The following PKHD1 variants were observed in gnomAD, a reference collection of about 807,000 sequenced individuals.
The protein encoded by PKHD1 is fibrocystin.
A neutral mutation model predicts 412.0 loss-of-function variants in PKHD1; 291 were observed. The ratio of observed to expected loss-of-function variants is 0.71; its 90% CI spans 0.64 to 0.78. The LOEUF is 0.78. Ranked by LOEUF, PKHD1 falls within the 30% of genes least tolerant of loss-of-function variation. The pLI, the probability that PKHD1 is intolerant of heterozygous loss-of-function variation, is 0.00. For synonymous variants in PKHD1, 1,777 were observed against 1,821.5 expected, an observed-to-expected ratio of 0.98 and a Z score of 0.62; for missense variants, 4,825 against 4,950.7, an observed-to-expected ratio of 0.97 and a Z score of 0.76.
At chr6:51,964,455 A>G (rs1792515618) in intron 35 of PKHD1, among the ~76,000 whole-genome samples, 1 of 151,778 alleles carries the variant, frequency 6.6e-6, no homozygotes, top group Non-Finnish European at 1.5e-5. Context: ...CATTTTCTCC[A>G]CTCCGTATCC....
intron 43 of PKHD1, among the ~76,000 whole-genome samples, chr6:51,897,427 A>G (rs565677018): frequency 5.9e-5 from 9 of 152,184 alleles, no homozygotes; most frequent in African/African-American, 1.9e-4. Context: ...CTCATAAGTG[A>G]AGGAGAAATA....
chr6:52,040,810 C>T (rs1272774063), intron 27 of PKHD1, among the ~76,000 whole-genome samples: 2 of 152,344 alleles, frequency 1.3e-5, no homozygotes, highest in African/African-American at 2.4e-5. Flanking sequence ...TCACAACCAT[C>T]TACTCCATCC....
chr6:52,014,160 C>T (rs1800160443), intron 34 of PKHD1, among the ~76,000 whole-genome samples: 1 of 152,216 alleles, frequency 6.6e-6, no homozygotes, highest in African/African-American at 2.4e-5. Flanking sequence ...AGTCTACTCC[C>T]ACCCTCCTAG....
At chr6:51,660,168 A>T (rs1021577670) in intron 60 of PKHD1, among the ~76,000 whole-genome samples, 199 bp from the exon 61 acceptor site, 39 of 152,242 alleles carry the variant, frequency 2.6e-4, no homozygotes, top group African/African-American at 8.7e-4. Flanking sequence ...AATATATTTT[A>T]AAAGTATATG....
rs1351637115 is a variant in PKHD1, at chr6:52,065,005, C to T, written c.926G>A (p.Cys309Tyr). ...IRHVSPRKIE[C>Y]TTRAPGKDVR... is the part of the protein sequence containing the mutation. ...ATCTTTTCCTGGAGCCCGAGTGGTG[C>T]ACTCAATCTTCCTGGGAGACACGTG... Residue 309 changes from cysteine (C) to tyrosine (Y), a missense_variant, in exon 13 of 67, where the codon TGC (cysteine) becomes TAC (tyrosine). By Grantham distance (194) the Cys-to-Tyr change is radical. Coordinates refer to ENST00000371117, the MANE Select transcript of PKHD1 (RefSeq NM_138694.4). The T allele has an allele frequency of 6.2e-7, 1 of 1,603,212 alleles. No homozygotes were observed. Among genetic ancestry groups the T allele is most frequent in the Non-Finnish European group, 8.5e-7 (1 of 1,175,758 alleles).
intron 50 of PKHD1, among the ~76,000 whole-genome samples, chr6:51,844,691 A>G (rs1369021675): frequency 6.6e-6 from 1 of 152,182 alleles, no homozygotes; most frequent in African/African-American, 2.4e-5. Context: ...AAAACTTCCT[A>G]TCCTGGGGGA....
At position 51,617,214 on chromosome 6, in the gene PKHD1, T is replaced by C. The variant is rs1440861277; in HGVS notation, c.*1867A>G. 1 of 152,264 alleles carries C rather than the reference T, an allele frequency of 6.6e-6. No individual in the cohort carries two copies. Among genetic ancestry groups the C allele is most frequent in the Non-Finnish European group, 1.5e-5 (1 of 68,106 alleles). 9.4% of individuals were successfully genotyped at this position (152,264 alleles called of 1,614,324 possible). A position where few individuals can be genotyped will look rare whatever the true frequency, so the allele number is the denominator to read the frequency against. On this transcript the variant is annotated 3_prime_UTR_variant, in exon 67 of 67. Transcript: ENST00000371117. ...AAGCCTTCACTTCTGAAATGTTTTT[T>C]TCCAAAAAGCTTACGGCTCTTTGAG...
chr6:51,833,739 A>G (rs1338690231), intron 51 of PKHD1, among the ~76,000 whole-genome samples: 1 of 152,088 alleles, frequency 6.6e-6, no homozygotes, highest in Non-Finnish European at 1.5e-5. Flanking sequence ...TGAGACAGAA[A>G]CCATATTACA....
chr6:51,733,557 AG>A (rs1194369474), intron 60 of PKHD1, among the ~76,000 whole-genome samples: 10 of 151,948 alleles, frequency 6.6e-5, no homozygotes, highest in African/African-American at 2.4e-4. Context: ...AAAATGGTTA[AG>A]ATGGTAAATT....
chr6:51,922,458 C>G (rs1561887358), intron 37 of PKHD1, among the ~76,000 whole-genome samples: 1 of 152,210 alleles, frequency 6.6e-6, no homozygotes, highest in Non-Finnish European at 1.5e-5. Flanking sequence ...CTGGGAGAAC[C>G]ACTACTCTCT....
chr6:51,787,811 A>G (rs531282553), intron 53 of PKHD1, among the ~76,000 whole-genome samples: 22 of 152,356 alleles, frequency 1.4e-4, no homozygotes, highest in Middle Eastern at 3.4e-3. Context: ...CAAGCTATAT[A>G]TTATAGTAAT....
intron 37 of PKHD1, 34 bp downstream of exon 37, chr6:51,934,076 T>C (rs773968495): frequency 1.3e-6 from 2 of 1,497,006 alleles, no homozygotes; most frequent in Non-Finnish European, 1.9e-6. Flanking sequence ...GACACAGCTC[T>C]ACTTCATTTC....
chr6:51,984,743 A>C (rs1415288509), intron 35 of PKHD1, among the ~76,000 whole-genome samples: 1 of 152,212 alleles, frequency 6.6e-6, no homozygotes, highest in Non-Finnish European at 1.5e-5. Context: ...ATTATAACCT[A>C]ATCTGGAATG....
At chr6:51,835,945 T>C (rs1396272053) in intron 51 of PKHD1, among the ~76,000 whole-genome samples, 10 of 152,186 alleles carry the variant, frequency 6.6e-5, no homozygotes, top group African/African-American at 2.2e-4. Context: ...TTAGGAGACA[T>C]TTAGTTTTTG....
Position 51,855,993 on chromosome 6 carries a change from C to T in PKHD1, c.7811G>A (p.Arg2604His), listed in dbSNP as rs375311338. 1.4e-5 allele frequency: 22 copies of T among 1,608,720 alleles called. No homozygotes were observed. The highest frequency in any genetic ancestry group is 5.5e-5 in the South Asian group (5 of 90,906). ...RNKTTTVNYV[R>H]DTLSNPRGWM... ...GCCACGAGGGTTAGACAATGTATCA[C>T]GTACATAATTGACAGTGGTTGTTTT... Residue 2604 changes from arginine (R) to histidine (H), a missense_variant, in exon 49 of 67, where the codon CGT (arginine) becomes CAT (histidine). Physicochemically the swap from Arg to His is conservative, Grantham distance 29. Coordinates refer to ENST00000371117, the MANE Select transcript of PKHD1 (RefSeq NM_138694.4).
At chr6:51,640,701 A>C (rs1309198452) in intron 63 of PKHD1, among the ~76,000 whole-genome samples, 2 of 152,176 alleles carry the variant, frequency 1.3e-5, no homozygotes, top group Non-Finnish European at 1.5e-5. Context: ...AATTATCCCC[A>C]CAGCTATCCC....
intron 60 of PKHD1, among the ~76,000 whole-genome samples, chr6:51,723,931 T>C (rs1782238732): frequency 6.6e-6 from 1 of 152,134 alleles, no homozygotes; most frequent in Non-Finnish European, 1.5e-5. Context: ...TTTCTAAGCT[T>C]CTCTTATTTC....
At chr6:52,076,963 C>A (rs2128237365) in intron 5 of PKHD1, among the ~76,000 whole-genome samples, 1 of 152,290 alleles carries the variant, frequency 6.6e-6, no homozygotes, top group South Asian at 2.1e-4. Context: ...AGGAGGAAAG[C>A]AGCCTCAATG....
chr6:51,826,171 T>A (rs1767278472), intron 52 of PKHD1, among the ~76,000 whole-genome samples: 2 of 152,174 alleles, frequency 1.3e-5, no homozygotes, highest in South Asian at 4.2e-4. Flanking sequence ...TTTTGCAATT[T>A]AACAAGGAGG....
Sources: allele counts gnomAD v4.1 joint callset (sites outside exome capture counted in the v4.1 genomes callset), GRCh38; gene constraint gnomAD v4.1.1; transcripts MANE v1.5; gene names NCBI Gene and HGNC (gene_info 2026-07-23, HGNC 2026-07-21).